CHLSN: variants seen among roughly 807,000 people sequenced by gnomAD.
CHLSN encodes protein cholesin.
At chr7:1,006,115 G>T in the CHLSN span, among the ~76,000 whole-genome samples, 10 of 152,348 alleles carry the variant, frequency 6.6e-5, no homozygotes, top group Admixed American at 2.6e-4. Flanking sequence ...CCTCGCTCGT[G>T]TAACTACCAC....
chr7:1,121,497 T>C, the CHLSN span, among the ~76,000 whole-genome samples: 1 of 152,236 alleles, frequency 6.6e-6, no homozygotes, highest in African/African-American at 2.4e-5. Context: ...CCTCATTTGA[T>C]GGTTTTATAA....
chr7:1,057,776 C>A, the CHLSN span: 1 of 775,852 alleles, frequency 1.3e-6, no homozygotes, highest in Non-Finnish European at 2.4e-6. Flanking sequence ...TGCTCGGCCC[C>A]CCGAGCTCCC....
At chr7:1,104,208 C>T in the CHLSN span, among the ~76,000 whole-genome samples, 2 of 152,272 alleles carry the variant, frequency 1.3e-5, no homozygotes, top group African/African-American at 2.4e-5. Flanking sequence ...GGCCAACCTC[C>T]ACTGTCAGCA....
chr7:1,071,250 A>C, the CHLSN span, among the ~76,000 whole-genome samples: 1 of 152,264 alleles, frequency 6.6e-6, no homozygotes, highest in Non-Finnish European at 1.5e-5. Flanking sequence ...GTGCAATGGC[A>C]AGAAAAGCAA....
At chr7:1,082,658 A>G in the CHLSN span, among the ~76,000 whole-genome samples, 1 of 152,162 alleles carries the variant, frequency 6.6e-6, no homozygotes, top group Non-Finnish European at 1.5e-5. Flanking sequence ...GGGCATCCCA[A>G]AGCATATCAC....
the CHLSN span, chr7:1,043,306 T>C: frequency 6.6e-6 from 1 of 152,200 alleles, no homozygotes; most frequent in Non-Finnish European, 1.5e-5. Context: ...TCATCTCTAA[T>C]GTGAGGCTGC....
At chr7:1,011,179 C>T in the CHLSN span, among the ~76,000 whole-genome samples, 6 of 145,482 alleles carry the variant, frequency 4.1e-5, no homozygotes, top group African/African-American at 1.5e-4. Context: ...CCACCATACA[C>T]CCACACTCAC....
the CHLSN span, chr7:997,420 C>T: frequency 3.9e-6 from 2 of 519,146 alleles, no homozygotes; most frequent in Non-Finnish European, 6.7e-6. Flanking sequence ...CAGCCGTCAC[C>T]GGCCAAGGAG....
the CHLSN span, among the ~76,000 whole-genome samples, chr7:1,130,697 C>T: frequency 6.7e-6 from 1 of 148,498 alleles, no homozygotes; most frequent in Admixed American, 6.7e-5. Flanking sequence ...GAGCCCCAGG[C>T]TATGTGGGCC....
the CHLSN span, among the ~76,000 whole-genome samples, chr7:1,126,922 C>G: frequency 6.6e-6 from 1 of 152,122 alleles, no homozygotes; most frequent in Non-Finnish European, 1.5e-5. Context: ...AGGTGAGGAG[C>G]CGCCCCTCGC....
the CHLSN span, chr7:997,847 AG>A: frequency 8.2e-7 from 1 of 1,226,978 alleles, no homozygotes; most frequent in Non-Finnish European, 1.2e-6. Context: ...CGGGGCAGGG[AG>A]GGGCCGCTGA....
At chr7:1,115,584 G>A in the CHLSN span, among the ~76,000 whole-genome samples, 1 of 126,968 alleles carries the variant, frequency 7.9e-6, no homozygotes, top group Admixed American at 8.3e-5. Context: ...CAACGCCCAG[G>A]CAGGATGGCA....
chr7:1,040,911 G>A, the CHLSN span, among the ~76,000 whole-genome samples: 3 of 152,362 alleles, frequency 2.0e-5, no homozygotes, highest in East Asian at 1.9e-4. Context: ...CAGACGTGCC[G>A]GCTGCAGCCG....
the CHLSN span, among the ~76,000 whole-genome samples, chr7:1,109,806 T>G: frequency 6.6e-6 from 1 of 151,930 alleles, no homozygotes; most frequent in Non-Finnish European, 1.5e-5. Flanking sequence ...CCCACGTGCC[T>G]CTGCGTCTCG....
the CHLSN span, among the ~76,000 whole-genome samples, chr7:1,016,509 C>T: frequency 0.15 from 19,359 of 126,002 alleles, 1,872 homozygotes; most frequent in Admixed American, 0.22. Context: ...AGCAGCACAG[C>T]AGCGCACAGC....
At chr7:980,061 G>A in the CHLSN span, among the ~76,000 whole-genome samples, 1 of 152,234 alleles carries the variant, frequency 6.6e-6, no homozygotes, top group South Asian at 2.1e-4. Flanking sequence ...CTCCTGTGGA[G>A]GGAGAAGCGC....
the CHLSN span, among the ~76,000 whole-genome samples, chr7:1,095,160 A>G: frequency 6.6e-6 from 1 of 151,892 alleles, no homozygotes; most frequent in African/African-American, 2.4e-5. Context: ...GGACATGGCC[A>G]TCACACTGAC....
chr7:1,133,015 C>T, the CHLSN span, among the ~76,000 whole-genome samples: 13 of 152,178 alleles, frequency 8.5e-5, no homozygotes, highest in African/African-American at 2.2e-4. Flanking sequence ...AATATTCAAG[C>T]GGTGGAAACA....
At chr7:1,105,686 C>G in the CHLSN span, among the ~76,000 whole-genome samples, 1 of 151,820 alleles carries the variant, frequency 6.6e-6, no homozygotes, top group African/African-American at 2.4e-5. Flanking sequence ...GTGATCTCGG[C>G]TCACTGCAAC....
Sources: allele counts gnomAD v4.1 joint callset (sites outside exome capture counted in the v4.1 genomes callset), GRCh38; gene constraint gnomAD v4.1.1; transcripts MANE v1.5; gene names NCBI Gene and HGNC (gene_info 2026-07-23, HGNC 2026-07-21).